Variants in MAP3K3 observed in about 807,000 individuals in gnomAD.
MAP3K3 encodes MAP/ERK kinase kinase 3.
In MAP3K3, 12 loss-of-function variants were observed where a neutral mutation model predicts 80.9. The observed-to-expected ratio is 0.15, with a 90% confidence interval of 0.10 to 0.24. The LOEUF is 0.24. MAP3K3 is among the 10% of genes least tolerant of loss of function. The pLI, the probability that MAP3K3 is intolerant of heterozygous loss-of-function variation, is 1.00. For missense variants in MAP3K3, 596 were observed against 834.7 expected (o/e 0.71, Z 3.52); for synonymous variants, 272 against 307.1 (o/e 0.89, Z 1.19).
At chr17:63,664,040 A>C (rs1201581063) in intron 5 of MAP3K3, among the ~76,000 whole-genome samples, 1 of 151,932 alleles carries the variant, frequency 6.6e-6, no homozygotes, top group Non-Finnish European at 1.5e-5. Context: ...CAGGAGATCG[A>C]GACCATCCTG....
chr17:63,634,546 A>T (rs1185328292), intron 2 of MAP3K3, among the ~76,000 whole-genome samples: 1 of 152,122 alleles, frequency 6.6e-6, no homozygotes, highest in South Asian at 2.1e-4. Context: ...TGGTAGAGTG[A>T]AGTCAGTGGT....
At chr17:63,639,412 G>A (rs1000818828) in intron 2 of MAP3K3, among the ~76,000 whole-genome samples, 3 of 152,212 alleles carry the variant, frequency 2.0e-5, no homozygotes, top group Non-Finnish European at 4.4e-5. Flanking sequence ...AACAAACAGT[G>A]TGAGATGATC....
At position 63,693,594 on chromosome 17, in the gene MAP3K3, G is replaced by A. The variant is rs2229673; in HGVS notation, c.1698G>A (p.Pro566=). Reference sequence around the variant, plus strand: ...TGGAGATGCTGACAGAGAAACCACCGTGGGCAGAGTATGAAGCTATGGCCG... The same window carrying A: ...TGGAGATGCTGACAGAGAAACCACCATGGGCAGAGTATGAAGCTATGGCCG... The part of the protein sequence containing the change: ...TVVEMLTEKP[P]WAEYEAMAAI... Residue 566 remains proline (P), a synonymous_variant, in exon 16 of 16, where the codon CCG becomes CCA. Transcript: ENST00000361733. This position sits in a 1 kb window ranked among gnomAD's most constrained non-coding sequence, Gnocchi z 4.2. 3,170 of 1,608,598 alleles carry A rather than the reference G, an allele frequency of 2.0e-3. 49 individuals are homozygous for A. In the African/African-American group the frequency reaches 0.032, roughly 16 times the overall value.
chr17:63,666,724 G>A (rs981704248), intron 5 of MAP3K3, among the ~76,000 whole-genome samples: 6 of 152,116 alleles, frequency 3.9e-5, no homozygotes, highest in African/African-American at 1.4e-4. Context: ...AGGTCTCAGC[G>A]CTCATACATC....
At chr17:63,644,191 T>C (rs1355485453) in intron 2 of MAP3K3, among the ~76,000 whole-genome samples, 3 of 152,176 alleles carry the variant, frequency 2.0e-5, no homozygotes, top group Non-Finnish European at 2.9e-5. Flanking sequence ...CCATGTGTTA[T>C]CTTACAGGAT....
intron 7 of MAP3K3, among the ~76,000 whole-genome samples, chr17:63,684,116 G>A (rs1242649794): frequency 1.3e-5 from 2 of 151,928 alleles, no homozygotes; most frequent in Non-Finnish European, 2.9e-5. Flanking sequence ...TCCAGCTTAG[G>A]TGACAGAATG....
intron 4 of MAP3K3, among the ~76,000 whole-genome samples, chr17:63,655,732 G>A (rs1157037420): frequency 6.6e-6 from 1 of 151,952 alleles, no homozygotes; most frequent in African/African-American, 2.4e-5. Flanking sequence ...GGCCTCAAGT[G>A]AGCCTCCCGC....
In MAP3K3 at chr17:63,693,854, G is replaced by C; in HGVS notation, c.*77G>C. On this transcript the variant is annotated 3_prime_UTR_variant, in exon 16 of 16. Transcript: ENST00000361733. The surrounding 1 kb of genome is among the most constrained non-coding windows in gnomAD (Gnocchi z 4.2). ...TGCTGCTGGGCTCAGTGAAGTTGCTGCTTCTCCCAGGCAAGGCTGTGGACC... is the reference window on the plus strand; with the variant it reads ...TGCTGCTGGGCTCAGTGAAGTTGCTCCTTCTCCCAGGCAAGGCTGTGGACC... 6 of 1,307,320 alleles carry C rather than the reference G, an allele frequency of 4.6e-6. No homozygotes were observed. Among genetic ancestry groups the C allele is most frequent in the Admixed American group, 4.5e-5 (2 of 44,516 alleles). The allele number at this position is 1,307,320 out of a possible 1,614,324, so 81.0% of individuals were successfully genotyped here.
At chr17:63,674,133 A>G (rs16947032) in intron 6 of MAP3K3, among the ~76,000 whole-genome samples, 2,577 of 151,382 alleles carry the variant, frequency 0.017, 74 homozygotes, top group African/African-American at 0.059. Flanking sequence ...TGTATGGTCT[A>G]AGTTCATCTT....
At chr17:63,674,123 T>C (rs1598105059) in intron 6 of MAP3K3, among the ~76,000 whole-genome samples, 1 of 151,676 alleles carries the variant, frequency 6.6e-6, no homozygotes, top group African/African-American at 2.4e-5. Flanking sequence ...TTCTGACTCC[T>C]GTATGGTCTA....
At chr17:63,661,064 C>G (rs987666595) in intron 5 of MAP3K3, among the ~76,000 whole-genome samples, 2 of 151,650 alleles carry the variant, frequency 1.3e-5, no homozygotes, top group Non-Finnish European at 2.9e-5. Context: ...AGAACTATCT[C>G]TTTTTTTTTA....
intron 6 of MAP3K3, among the ~76,000 whole-genome samples, chr17:63,679,605 TC>T (rs988242078): frequency 2.6e-5 from 4 of 152,082 alleles, no homozygotes; most frequent in African/African-American, 9.7e-5. Context: ...GTCTCAGTCT[TC>T]CAAGTAGCTG....
rs61737831 is a variant in MAP3K3 at position 63,693,718 on chromosome 17, C to T, written c.1822C>T (p.Arg608Cys). The T allele has an allele frequency of 6.3e-4, 1,010 of 1,603,210 alleles. 10 individuals carry two copies. The highest frequency in any genetic ancestry group is 1.0e-4 in the Non-Finnish European group (120 of 1,173,212). ...DFLRRIFVEA[R>C]QRPSAEELLT... ...CCTGAGGCGCATTTTTGTGGAGGCT[C>T]GCCAGAGACCTTCAGCTGAGGAGCT... The change falls in exon 16 of 16, where the codon CGC (arginine) becomes TGC (cysteine). Residue 608 changes from arginine to cysteine, a missense_variant. By Grantham distance (180) the Arg-to-Cys change is radical. Coordinates refer to ENST00000361733, the MANE Select transcript of MAP3K3 (RefSeq NM_002401.5). The surrounding 1 kb of genome is among the most constrained non-coding windows in gnomAD (Gnocchi z 4.2).
chr17:63,634,889 G>C, intron 2 of MAP3K3: 1 of 1,164,162 alleles, frequency 8.6e-7, no homozygotes. Flanking sequence ...TCCCAGACAA[G>C]TTGTTTTAGT....
intron 7 of MAP3K3, among the ~76,000 whole-genome samples, chr17:63,684,605 G>C (rs1401558004): frequency 6.6e-6 from 1 of 152,118 alleles, no homozygotes; most frequent in Non-Finnish European, 1.5e-5. Flanking sequence ...GGTCGTTAGT[G>C]AATTTTCATA....
intron 3 of MAP3K3, among the ~76,000 whole-genome samples, chr17:63,647,903 A>G (rs750667747): frequency 3.9e-5 from 6 of 152,366 alleles, no homozygotes; most frequent in Admixed American, 2.0e-4. Flanking sequence ...GAAAGAGGAA[A>G]GAAGTCATGA....
Position 63,693,381 on chromosome 17 carries a change from A to C in MAP3K3, c.1653-168A>C, listed in dbSNP as rs1019519524. Among the ~76,000 whole-genome samples, 2 of 152,108 alleles carry C rather than the reference A, an allele frequency of 1.3e-5. No homozygotes were observed. The highest frequency in any genetic ancestry group is 1.3e-4 in the Admixed American group (2 of 15,282). On this transcript the variant is annotated intron_variant, in intron 15 of 15. Coordinates refer to ENST00000361733, the MANE Select transcript of MAP3K3 (RefSeq NM_002401.5). The surrounding 1 kb of genome is among the most constrained non-coding windows in gnomAD (Gnocchi z 4.2). ...AAGTACCCAGGTGTGTGGTGAGTGT[A>C]GGTCCATGAAGCCCACGTGGACAGA...
At chr17:63,671,824 C>T (rs1204883546) in intron 6 of MAP3K3, among the ~76,000 whole-genome samples, 4 of 152,078 alleles carry the variant, frequency 2.6e-5, no homozygotes, top group Non-Finnish European at 5.9e-5. Flanking sequence ...TAAGTGGCCT[C>T]AGTTTTAAGG....
intron 4 of MAP3K3, among the ~76,000 whole-genome samples, 197 bp downstream of exon 4, chr17:63,652,853 C>T (rs1245673247): frequency 2.0e-5 from 3 of 152,202 alleles, no homozygotes; most frequent in Non-Finnish European, 4.4e-5. Context: ...CCATCTCAGC[C>T]ATCTCCATTC....
Sources: allele counts gnomAD v4.1 joint callset (sites outside exome capture counted in the v4.1 genomes callset), GRCh38; gene constraint gnomAD v4.1.1; non-coding constraint Gnocchi (gnomAD v3.1); transcripts MANE v1.5; gene names NCBI Gene and HGNC (gene_info 2026-07-23, HGNC 2026-07-21).